CDH12: variants seen among roughly 807,000 people sequenced by gnomAD.
The protein encoded by CDH12 is cadherin-12.
In CDH12, 41 loss-of-function variants were observed where a neutral mutation model predicts 74.1. The observed-to-expected ratio is 0.55, with a 90% CI of 0.43 to 0.72. The LOEUF is 0.72. Ranked by LOEUF, CDH12 falls within the 30% of genes least tolerant of loss-of-function variation. The pLI is 0.00. For missense variants in CDH12, 945 were observed against 977.2 expected, an observed-to-expected ratio of 0.97 and a Z score of 0.44; for synonymous variants, 399 against 355.0, an observed-to-expected ratio of 1.12 and a Z score of -1.39.
chr5:22,338,711 A>C (rs201313569), intron 3 of CDH12, among the ~76,000 whole-genome samples: 3 of 152,314 alleles, frequency 2.0e-5, no homozygotes, highest in African/African-American at 4.8e-5. Flanking sequence ...GTACCCACAA[A>C]ATTTTTAAAA....
intron 11 of CDH12, 72 bp downstream of exon 11, chr5:21,783,286 C>A (rs1468528495): frequency 1.5e-6 from 2 of 1,346,606 alleles, no homozygotes; most frequent in African/African-American, 1.5e-5. Flanking sequence ...AACATCTCAG[C>A]AGGGACTCAT....
chr5:22,039,270 CTT>C (rs1426022221), intron 5 of CDH12, among the ~76,000 whole-genome samples: 18 of 152,120 alleles, frequency 1.2e-4, no homozygotes, highest in African/African-American at 4.3e-4. Context: ...AGTACCTCTT[CTT>C]CTCCAGAGCT....
intron 1 of CDH12, among the ~76,000 whole-genome samples, chr5:22,840,281 C>T (rs1001984726): frequency 6.4e-4 from 97 of 151,982 alleles, no homozygotes; most frequent in African/African-American, 2.0e-3. Context: ...CCACCATACC[C>T]GGCTAATTTT....
At chr5:22,644,934 T>A (rs1314280959) in intron 1 of CDH12, among the ~76,000 whole-genome samples, 3 of 152,044 alleles carry the variant, frequency 2.0e-5, no homozygotes, top group Non-Finnish European at 4.4e-5. Flanking sequence ...CTCATCTGTT[T>A]ACAGCCTGAT....
At chr5:22,448,539 G>GA (rs1744918188) in intron 2 of CDH12, among the ~76,000 whole-genome samples, 1 of 152,076 alleles carries the variant, frequency 6.6e-6, no homozygotes, top group Admixed American at 6.6e-5. Context: ...AAATAATTCA[G>GA]AAAAATAATA....
chr5:22,250,033 A>G (rs1753083203), intron 3 of CDH12, among the ~76,000 whole-genome samples: 1 of 152,068 alleles, frequency 6.6e-6, no homozygotes. Flanking sequence ...AAAAAAATGT[A>G]GGCTGGTGGG....
intron 3 of CDH12, among the ~76,000 whole-genome samples, chr5:22,265,981 ATAT>A (rs1224948564): frequency 6.6e-6 from 1 of 152,086 alleles, no homozygotes; most frequent in Non-Finnish European, 1.5e-5. Context: ...AGATATTAAC[ATAT>A]TATTACATCT....
intron 2 of CDH12, among the ~76,000 whole-genome samples, chr5:22,459,527 T>C (rs528193361): frequency 1.8e-4 from 28 of 152,360 alleles, no homozygotes; most frequent in African/African-American, 6.0e-4. Context: ...AGTTAGTTCA[T>C]ATTTTTTGAA....
intron 6 of CDH12, chr5:21,889,585 C>G: frequency 1.0e-6 from 1 of 985,306 alleles, no homozygotes; most frequent in Non-Finnish European, 1.2e-6. Context: ...AATATTTTAC[C>G]TAAAGAAGCC....
intron 1 of CDH12, among the ~76,000 whole-genome samples, chr5:22,679,459 A>C (rs560022422): frequency 1.3e-5 from 2 of 152,190 alleles, no homozygotes; most frequent in Non-Finnish European, 1.5e-5. Flanking sequence ...TTTTCCAAAA[A>C]TTTTAATTAG....
intron 3 of CDH12, among the ~76,000 whole-genome samples, chr5:22,238,879 A>G (rs1752650809): frequency 6.6e-6 from 1 of 152,226 alleles, no homozygotes. Flanking sequence ...GTATCAAATA[A>G]TGTCCAACCT....
chr5:22,724,713 A>G (rs1339296284), intron 1 of CDH12, among the ~76,000 whole-genome samples: 1 of 151,776 alleles, frequency 6.6e-6, no homozygotes, highest in African/African-American at 2.4e-5. Flanking sequence ...TGTGTTAAAG[A>G]TATTGTTTTA....
chr5:22,373,890 G>A (rs1741404547), intron 3 of CDH12, among the ~76,000 whole-genome samples: 1 of 152,098 alleles, frequency 6.6e-6, no homozygotes, highest in Non-Finnish European at 1.5e-5. Flanking sequence ...AAAAAATCAA[G>A]GAAATATGAC....
chr5:22,587,270 C>T (rs1740451535), intron 1 of CDH12, among the ~76,000 whole-genome samples: 1 of 151,986 alleles, frequency 6.6e-6, no homozygotes, highest in South Asian at 2.1e-4. Flanking sequence ...CACTTTCCAC[C>T]ATGGAAAGGT....
chr5:21,841,258 T>G (rs1443637840), intron 8 of CDH12, among the ~76,000 whole-genome samples: 6 of 151,204 alleles, frequency 4.0e-5, no homozygotes, highest in Non-Finnish European at 8.9e-5. Flanking sequence ...CATGAAAAAA[T>G]GCTCACCATC....
chr5:22,640,739 G>T (rs537360865), intron 1 of CDH12, among the ~76,000 whole-genome samples: 48 of 152,052 alleles, frequency 3.2e-4, no homozygotes, highest in African/African-American at 1.1e-3. Flanking sequence ...TCTTCTCAAT[G>T]AGCACAACAT....
intron 3 of CDH12, among the ~76,000 whole-genome samples, chr5:22,309,076 C>A (rs902254168): frequency 1.3e-5 from 2 of 152,084 alleles, no homozygotes; most frequent in Non-Finnish European, 2.9e-5. Flanking sequence ...GGAGAGTTTG[C>A]AAGCCACTTA....
chr5:22,255,543 A>T (rs1310711565), intron 3 of CDH12, among the ~76,000 whole-genome samples: 1 of 151,726 alleles, frequency 6.6e-6, no homozygotes, highest in African/African-American at 2.4e-5. Flanking sequence ...AAAGTTGACC[A>T]AATAACATAA....
chr5:22,812,382 A>G (rs1472333953), intron 1 of CDH12, among the ~76,000 whole-genome samples: 1 of 152,160 alleles, frequency 6.6e-6, no homozygotes, highest in Non-Finnish European at 1.5e-5. Flanking sequence ...CTCTGCAAAC[A>G]CATATGCTCT....
Sources: gnomAD v4.1 joint callset for allele counts (sites outside exome capture counted in the v4.1 genomes callset) on GRCh38, gnomAD v4.1.1 for gene constraint, MANE v1.5 for transcripts, NCBI Gene and HGNC (gene_info 2026-07-23, HGNC 2026-07-21) for gene names.